GALNT16: variants seen among roughly 807,000 people sequenced by gnomAD.
GALNT16 encodes UDP-GalNAc:polypeptide N-acetylgalactosaminyltransferase-like protein 1.
Under a neutral mutation model 76.1 loss-of-function variants are expected in GALNT16, and 40 were observed. That is an observed-to-expected ratio of 0.53 (90% CI 0.41 to 0.68). The LOEUF (loss-of-function observed/expected upper bound fraction) is 0.68. Ranked by LOEUF, GALNT16 falls within the 30% of genes least tolerant of loss-of-function variation. GALNT16 has a pLI of 0.00. For missense variants in GALNT16, 621 were observed against 731.9 expected (o/e 0.85, Z 1.75); for synonymous variants, 276 against 285.2 (o/e 0.97, Z 0.32).
intron 2 of GALNT16, among the ~76,000 whole-genome samples, chr14:69,324,060 G>A (rs1445726239): frequency 6.6e-6 from 1 of 152,062 alleles, no homozygotes; most frequent in African/African-American, 2.4e-5. Flanking sequence ...TGGATGGCTG[G>A]GGAGGGAGGA....
At chr14:69,306,352 A>T (rs1234674460) in intron 1 of GALNT16, among the ~76,000 whole-genome samples, 1 of 152,244 alleles carries the variant, frequency 6.6e-6, no homozygotes, top group Non-Finnish European at 1.5e-5. Context: ...TCCTTGGGAA[A>T]GACCCCTAAA....
At chr14:69,369,133 T>A in the GALNT16 span, among the ~76,000 whole-genome samples, 1 of 152,106 alleles carries the variant, frequency 6.6e-6, no homozygotes, top group Non-Finnish European at 1.5e-5. Flanking sequence ...GAAGATCAAT[T>A]AGGAAACTAT....
At chr14:69,334,869 G>A (rs1332575831) in intron 9 of GALNT16, among the ~76,000 whole-genome samples, 3 of 152,128 alleles carry the variant, frequency 2.0e-5, no homozygotes, top group South Asian at 4.2e-4. Flanking sequence ...CCATTCTGGG[G>A]GTCTCCAGGA....
the GALNT16 span, among the ~76,000 whole-genome samples, chr14:69,379,719 C>G: frequency 6.6e-6 from 1 of 152,222 alleles, no homozygotes; most frequent in South Asian, 2.1e-4. Flanking sequence ...TGTGGTTTTT[C>G]CCTTGCCCTT....
At chr14:69,277,387 T>TG (rs889387241) in intron 1 of GALNT16, among the ~76,000 whole-genome samples, 16 of 152,090 alleles carry the variant, frequency 1.1e-4, no homozygotes, top group African/African-American at 3.9e-4. Flanking sequence ...CGCCACCCCA[T>TG]GACAGGCCCC....
intron 1 of GALNT16, among the ~76,000 whole-genome samples, chr14:69,286,022 C>A (rs2044606489): frequency 6.6e-6 from 1 of 152,144 alleles, no homozygotes; most frequent in African/African-American, 2.4e-5. Flanking sequence ...CCCTGCCAAG[C>A]CAGGCCAAAG....
intron 1 of GALNT16, among the ~76,000 whole-genome samples, chr14:69,296,796 C>G (rs955880343): frequency 7.2e-6 from 1 of 138,874 alleles, no homozygotes; most frequent in Non-Finnish European, 1.5e-5. Context: ...GATAGACAGA[C>G]AGATAGAGCT....
intron 9 of GALNT16, among the ~76,000 whole-genome samples, chr14:69,336,064 C>A (rs1443396722): frequency 6.6e-6 from 1 of 152,200 alleles, no homozygotes; most frequent in Non-Finnish European, 1.5e-5. Context: ...CACACCCCTG[C>A]CCTCACTTCC....
chr14:69,264,775 C>CT (rs1314664513), intron 1 of GALNT16, among the ~76,000 whole-genome samples: 2 of 131,620 alleles, frequency 1.5e-5, no homozygotes, highest in African/African-American at 6.1e-5. Flanking sequence ...AGATTTTTTT[C>CT]TTTTCTTTCT....
At position 69,333,525 on chromosome 14, in the gene GALNT16, G is replaced by C. The variant is rs778547433; in HGVS notation, c.892G>C (p.Val298Leu). ...GCCTGTCATAGCTGGAGGAATCTTC[G>C]TGATCGACAAGTCCTGGTTTAACCA... is the stretch of plus-strand genomic sequence containing the variant. ...RTPVIAGGIFVIDKSWFNHLG... is the reference protein window; with the variant it reads ...RTPVIAGGIFLIDKSWFNHLG... The change falls in exon 9 of 15, where the codon GTG becomes CTG. Residue 298 changes from valine (V) to leucine (L), a missense_variant. Transcript: ENST00000448469. The surrounding 1 kb of genome is among the most constrained non-coding windows in gnomAD (Gnocchi z 4.2). 3 of 1,611,200 alleles carry C rather than the reference G, an allele frequency of 1.9e-6. No individual in the cohort carries two copies. The East Asian group carries it at 6.7e-5, about 36-fold the overall frequency.
chr14:69,295,769 G>A (rs1241535490), intron 1 of GALNT16, among the ~76,000 whole-genome samples: 2 of 146,916 alleles, frequency 1.4e-5, no homozygotes, highest in African/African-American at 2.5e-5. Context: ...TTCTTTCATC[G>A]AAACCACTCA....
intron 14 of GALNT16, 109 bp downstream of exon 14, chr14:69,348,111 A>G: frequency 8.7e-7 from 1 of 1,151,690 alleles, no homozygotes; most frequent in Non-Finnish European, 1.3e-6. Context: ...AGCCCTTCAG[A>G]GCGAGGATCT....
intron 1 of GALNT16, among the ~76,000 whole-genome samples, chr14:69,287,431 C>A (rs1053148293): frequency 6.6e-6 from 1 of 152,180 alleles, no homozygotes; most frequent in Non-Finnish European, 1.5e-5. Flanking sequence ...TATCTCCTGA[C>A]GTTTGGGTAA....
At chr14:69,312,053 AAATCTGTCTATCT>A (rs1397030701) in intron 1 of GALNT16, among the ~76,000 whole-genome samples, 286 of 127,802 alleles carry the variant, frequency 2.2e-3, no homozygotes, top group Middle Eastern at 3.7e-3. Flanking sequence ...AAAAAAAAAA[AAATCTGTCTATCT>A]ATCTATCTAT....
intron 9 of GALNT16, among the ~76,000 whole-genome samples, chr14:69,336,192 C>T (rs1278184024): frequency 6.6e-6 from 1 of 152,224 alleles, no homozygotes; most frequent in African/African-American, 2.4e-5. Flanking sequence ...TCATTGCACT[C>T]TCTGCCTCCA....
At chr14:69,368,390 G>A in the GALNT16 span, among the ~76,000 whole-genome samples, 1 of 152,160 alleles carries the variant, frequency 6.6e-6, no homozygotes, top group Non-Finnish European at 1.5e-5. Context: ...AGCCAGGGCT[G>A]CAGTCATCTC....
At chr14:69,325,260 C>T (rs1171857328) in intron 3 of GALNT16, 77 bp from the exon 4 acceptor site, 2 of 918,468 alleles carry the variant, frequency 2.2e-6, no homozygotes, top group Admixed American at 1.7e-5. Flanking sequence ...CTGGGGAGTC[C>T]CACGGCCCCG....
chr14:69,322,281 C>T (rs891996464), intron 2 of GALNT16, among the ~76,000 whole-genome samples: 2 of 152,250 alleles, frequency 1.3e-5, no homozygotes, highest in Non-Finnish European at 2.9e-5. Flanking sequence ...AGCATCCCCT[C>T]CTGTCTGCCT....
At chr14:69,272,786 G>A (rs2044422561) in intron 1 of GALNT16, among the ~76,000 whole-genome samples, 1 of 152,152 alleles carries the variant, frequency 6.6e-6, no homozygotes. Flanking sequence ...ACGTACACAT[G>A]TGAAAATACT....
Sources: allele counts gnomAD v4.1 joint callset (sites outside exome capture counted in the v4.1 genomes callset), GRCh38; gene constraint gnomAD v4.1.1; non-coding constraint Gnocchi (gnomAD v3.1); transcripts MANE v1.5; gene names NCBI Gene and HGNC (gene_info 2026-07-23, HGNC 2026-07-21).